Variants in SOS1 observed in about 807,000 individuals in gnomAD.
SOS1 encodes the protein SOS Ras/Rac guanine nucleotide exchange factor 1, also known as son of sevenless homolog 1.
In SOS1, 25 loss-of-function variants were observed where a neutral mutation model predicts 157.6. That is an observed-to-expected ratio of 0.16 (90% confidence interval 0.12 to 0.22). The LOEUF (loss-of-function observed/expected upper bound fraction) is 0.22. Among genes scored for constraint, SOS1 ranks in the 10% least tolerant of loss-of-function variants. The pLI, the probability that SOS1 is intolerant of heterozygous loss-of-function variation, is 1.00. For synonymous variants in SOS1, 528 were observed against 534.0 expected (o/e 0.99, Z 0.16); for missense variants, 1,237 against 1,599.1 (o/e 0.77, Z 3.86).
At chr2:39,041,448 T>G (rs1334694996) in intron 6 of SOS1, among the ~76,000 whole-genome samples, 1 of 152,240 alleles carries the variant, frequency 6.6e-6, no homozygotes, top group Non-Finnish European at 1.5e-5. Context: ...ATCAGAAATA[T>G]CATTTGCAAA....
chr2:39,013,350 G>T (rs1669528204), intron 13 of SOS1, 110 bp downstream of exon 13: 4 of 761,056 alleles, frequency 5.3e-6, no homozygotes, highest in Middle Eastern at 3.4e-4. Context: ...GGTTATGCTG[G>T]TACTATTATA....
intron 1 of SOS1, among the ~76,000 whole-genome samples, chr2:39,069,226 C>T (rs1399487835): frequency 1.3e-5 from 1 of 76,780 alleles, no homozygotes; most frequent in East Asian, 4.2e-4. Context: ...AAAAAAAAAG[C>T]CCAGTAGGGT....
At chr2:39,089,953 C>A (rs1672523057) in intron 1 of SOS1, among the ~76,000 whole-genome samples, 1 of 143,198 alleles carries the variant, frequency 7.0e-6, no homozygotes, top group Admixed American at 7.4e-5. Flanking sequence ...ATGGTGAAAT[C>A]CCGTCTCTAC....
chr2:39,084,678 G>C (rs1215913423), intron 1 of SOS1, among the ~76,000 whole-genome samples: 1 of 152,080 alleles, frequency 6.6e-6, no homozygotes, highest in Non-Finnish European at 1.5e-5. Flanking sequence ...GTATATATTA[G>C]CCATGGGAAA....
Position 39,014,811 on chromosome 2 carries a change from T to G in SOS1, c.1894A>C (p.Arg632=). ...AGTTCTTGAGGTTTGCAAAAGGATCTGTATGTTGTAAGAAATGTCCGAACA... is the reference window on the plus strand; with the variant it reads ...AGTTCTTGAGGTTTGCAAAAGGATCGGTATGTTGTAAGAAATGTCCGAACA... ...NFVRTFLTTY[R]SFCKPQELLS... is the part of the protein sequence containing the mutation. Residue 632 remains arginine (R), a synonymous_variant, in exon 11 of 23, where the codon AGA becomes CGA. Transcript: ENST00000402219. 2 of 1,601,388 alleles carry G rather than the reference T, an allele frequency of 1.2e-6. No homozygotes were observed. Among genetic ancestry groups the G allele is most frequent in the South Asian group, 2.2e-5 (2 of 90,676 alleles).
At chr2:38,989,367 A>C in intron 20 of SOS1, 53 bp from the exon 21 acceptor site, 2 of 1,110,064 alleles carry the variant, frequency 1.8e-6, no homozygotes, top group Non-Finnish European at 2.8e-6. Context: ...GATATATTCA[A>C]CTCATCTGCA....
chr2:39,020,427 T>C (rs1325008358), intron 10 of SOS1, among the ~76,000 whole-genome samples: 1 of 151,776 alleles, frequency 6.6e-6, no homozygotes, highest in Non-Finnish European at 1.5e-5. Flanking sequence ...CCAATGTCTT[T>C]TATTACAATT....
chr2:39,050,450 A>C (rs983975417), intron 6 of SOS1, among the ~76,000 whole-genome samples: 2 of 152,164 alleles, frequency 1.3e-5, no homozygotes, highest in Admixed American at 6.5e-5. Flanking sequence ...ATAGGTAAAT[A>C]TTTCAGATAG....
chr2:39,054,787 T>C lies in SOS1; in HGVS notation c.547A>G (p.Ile183Val). 1.3e-6 allele frequency: 2 copies of C among 1,552,188 alleles called. No individual in the cohort carries two copies. Among genetic ancestry groups the C allele is most frequent in the Non-Finnish European group, 1.8e-6 (2 of 1,123,794 alleles). The change falls in exon 5 of 23, where the codon ATT becomes GTT. Residue 183 changes from isoleucine to valine, a missense_variant. Physicochemically the swap from Ile to Val is conservative, Grantham distance 29. Coordinates refer to ENST00000402219, the MANE Select transcript of SOS1 (RefSeq NM_005633.4). ...MDMFHQDVED[I>V]NILSLTDEEP... The stretch of plus-strand genomic sequence containing the variant: ...TCGTCAGTTAAAGATAATATATTAA[T>C]ATCTTCTACATCTTGATGAAACATA...
At chr2:39,044,574 T>C (rs548943368) in intron 6 of SOS1, among the ~76,000 whole-genome samples, 3 of 152,228 alleles carry the variant, frequency 2.0e-5, no homozygotes, top group Non-Finnish European at 4.4e-5. Context: ...TATTAAGATG[T>C]ATACAGCTGA....
chr2:39,070,081 A>G (rs1671746155), intron 1 of SOS1, among the ~76,000 whole-genome samples: 1 of 152,154 alleles, frequency 6.6e-6, no homozygotes, highest in Admixed American at 6.6e-5. Context: ...TCCATTCACC[A>G]TACCACCACA....
At position 39,052,617 on chromosome 2, in the gene SOS1, C is replaced by T. The variant is rs146313610; in HGVS notation, c.721-1330G>A. On this transcript the variant is annotated intron_variant, in intron 5 of 22. Coordinates refer to ENST00000402219, the MANE Select transcript of SOS1 (RefSeq NM_005633.4). ...TCTGAGATGCACCCATGCTGTTGCA[C>T]GCATAACTATTTCTTTTTATTCCTG... Among the ~76,000 whole-genome samples, 250 of 152,268 alleles carry T rather than the reference C, an allele frequency of 1.6e-3. 2 individuals carry two copies. Among genetic ancestry groups the T allele is most frequent in the African/African-American group, 5.4e-3 (225 of 41,550 alleles).
At chr2:39,040,259 CG>C (rs1451764766) in intron 6 of SOS1, among the ~76,000 whole-genome samples, 1 of 152,000 alleles carries the variant, frequency 6.6e-6, no homozygotes, top group Non-Finnish European at 1.5e-5. Flanking sequence ...CCTTGTGATC[CG>C]CCCGCCTTGG....
intron 1 of SOS1, among the ~76,000 whole-genome samples, chr2:39,095,315 G>C (rs1672732932): frequency 1.3e-5 from 2 of 152,188 alleles, no homozygotes; most frequent in South Asian, 2.1e-4. Flanking sequence ...AGAGACTCCA[G>C]TTTGAGAAAC....
chr2:38,989,420 T>G, intron 20 of SOS1, 106 bp from the exon 21 acceptor site: 1 of 749,826 alleles, frequency 1.3e-6, no homozygotes, highest in Non-Finnish European at 2.4e-6. Flanking sequence ...ATTGTCGTTT[T>G]AAAGAATGCT....
At chr2:39,036,701 G>A (rs1670365063) in intron 6 of SOS1, among the ~76,000 whole-genome samples, 1 of 152,034 alleles carries the variant, frequency 6.6e-6, no homozygotes, top group South Asian at 2.1e-4. Flanking sequence ...AGCCTCCCGA[G>A]TAGCTGGGAT....
chr2:39,032,987 C>A (rs1028615060), intron 8 of SOS1, among the ~76,000 whole-genome samples: 1 of 151,434 alleles, frequency 6.6e-6, no homozygotes, highest in African/African-American at 2.4e-5. Context: ...AAAGAACAAG[C>A]GAAGAGGCAG....
intron 1 of SOS1, among the ~76,000 whole-genome samples, chr2:39,109,313 A>C (rs751847388): frequency 1.3e-5 from 2 of 152,232 alleles, no homozygotes; most frequent in African/African-American, 2.4e-5. Flanking sequence ...AAAGACCATT[A>C]ATCTCAGCCA....
At chr2:39,086,940 G>C (rs1198783122) in intron 1 of SOS1, among the ~76,000 whole-genome samples, 4 of 152,006 alleles carry the variant, frequency 2.6e-5, no homozygotes, top group African/African-American at 9.7e-5. Flanking sequence ...AGCCTCCCAA[G>C]TAGCTGGGAT....
Sources: gnomAD v4.1 joint callset for allele counts (sites outside exome capture counted in the v4.1 genomes callset) on GRCh38, gnomAD v4.1.1 for gene constraint, MANE v1.5 for transcripts, NCBI Gene and HGNC (gene_info 2026-07-23, HGNC 2026-07-21) for gene names.